RSU1: variants seen among roughly 807,000 people sequenced by gnomAD.
RSU1 encodes the protein rsu-1.
RSU1 carries 26 observed loss-of-function variants against 31.1 expected under a neutral mutation model. That is an observed-to-expected ratio of 0.84 (90% CI 0.61 to 1.16). RSU1 has a LOEUF of 1.16. RSU1 is among the 50% of genes most tolerant of loss of function. RSU1 has a pLI of 0.00. For synonymous variants in RSU1, 164 were observed against 136.3 expected (o/e 1.20, Z -1.41); for missense variants, 320 against 339.1 (o/e 0.94, Z 0.44).
intron 8 of RSU1, among the ~76,000 whole-genome samples, chr10:16,665,321 C>T (rs187832794): frequency 6.6e-6 from 1 of 152,256 alleles, no homozygotes; most frequent in East Asian, 1.9e-4. Flanking sequence ...CTATTATCAT[C>T]TAATTTTACA....
chr10:16,704,415 G>C (rs569843360), intron 7 of RSU1, among the ~76,000 whole-genome samples: 1 of 152,158 alleles, frequency 6.6e-6, no homozygotes, highest in East Asian at 1.9e-4. Flanking sequence ...CATACTCAAG[G>C]TCATGTGACT....
intron 2 of RSU1, among the ~76,000 whole-genome samples, chr10:16,802,695 C>G (rs1406972447): frequency 2.0e-5 from 3 of 151,602 alleles, no homozygotes; most frequent in African/African-American, 7.3e-5. Flanking sequence ...CACACAATGA[C>G]CAAGTGGAAC....
rs888240178 is a variant in RSU1 at position 16,764,325 on chromosome 10, G to A, written c.281+65C>T. On this transcript the variant is annotated intron_variant, in intron 4 of 8. Coordinates refer to ENST00000345264, the MANE Select transcript of RSU1 (RefSeq NM_012425.4). ...ATAATATAAAAGGAATCCCTCCCCT[G>A]GCCTTACCCGGCATGCCCCTTCCAC... 2.7e-6 allele frequency: 4 copies of A among 1,479,094 alleles called. No individual in the cohort carries two copies. The African/African-American group carries it at 5.6e-5, about 21-fold the overall frequency. The allele number at this position is 1,479,094 out of a possible 1,614,324, so 91.6% of individuals were successfully genotyped here. A position where few individuals can be genotyped will look rare whatever the true frequency, so the allele number is the denominator to read the frequency against.
chr10:16,775,639 C>T (rs79276693), intron 3 of RSU1, among the ~76,000 whole-genome samples: 3,550 of 152,262 alleles, frequency 0.023, 141 homozygotes, highest in African/African-American at 0.081. Context: ...GGTCAACAGA[C>T]CCTCCCATAG....
At chr10:16,664,949 C>CTTAT (rs749280546) in intron 8 of RSU1, among the ~76,000 whole-genome samples, 71 of 150,626 alleles carry the variant, frequency 4.7e-4, no homozygotes, top group Admixed American at 1.3e-3. Flanking sequence ...TTCTTTCTTT[C>CTTAT]TTCTTTTTTT....
At chr10:16,599,510 CCT>C (rs1224949022) in intron 8 of RSU1, among the ~76,000 whole-genome samples, 1 of 152,196 alleles carries the variant, frequency 6.6e-6, no homozygotes, top group Non-Finnish European at 1.5e-5. Flanking sequence ...CTCACAGCCA[CCT>C]CTGCCTTCGA....
chr10:16,730,297 T>A (rs1352441769), intron 7 of RSU1, among the ~76,000 whole-genome samples: 2 of 152,134 alleles, frequency 1.3e-5, no homozygotes, highest in Non-Finnish European at 2.9e-5. Context: ...AATTTCAACA[T>A]CAGATTTGGA....
At chr10:16,644,394 T>C (rs1834498699) in intron 8 of RSU1, among the ~76,000 whole-genome samples, 1 of 152,248 alleles carries the variant, frequency 6.6e-6, no homozygotes, top group African/African-American at 2.4e-5. Flanking sequence ...AATACGGTGA[T>C]TACACATTAC....
At chr10:16,678,396 C>T (rs577029798) in intron 8 of RSU1, among the ~76,000 whole-genome samples, 7 of 152,268 alleles carry the variant, frequency 4.6e-5, no homozygotes, top group East Asian at 3.9e-4. Flanking sequence ...ATGCATTAAG[C>T]GAGAAACCTT....
At chr10:16,606,984 T>A (rs1382859816) in intron 8 of RSU1, among the ~76,000 whole-genome samples, 1 of 152,176 alleles carries the variant, frequency 6.6e-6, no homozygotes, top group Admixed American at 6.5e-5. Flanking sequence ...CATGGCCGTG[T>A]GCTATAGTTT....
At chr10:16,766,807 A>G (rs534824544) in intron 3 of RSU1, among the ~76,000 whole-genome samples, 3 of 152,052 alleles carry the variant, frequency 2.0e-5, no homozygotes, top group East Asian at 3.9e-4. Context: ...TGAGGTCAGG[A>G]GTTTGAGACC....
intron 2 of RSU1, among the ~76,000 whole-genome samples, chr10:16,798,027 A>G (rs2089436921): frequency 6.6e-6 from 1 of 151,976 alleles, no homozygotes; most frequent in Non-Finnish European, 1.5e-5. Flanking sequence ...ACGCCCGGCT[A>G]ATTCTTGTAT....
intron 8 of RSU1, among the ~76,000 whole-genome samples, chr10:16,616,524 A>T (rs113739766): frequency 4.2e-4 from 64 of 152,336 alleles, no homozygotes; most frequent in African/African-American, 1.5e-3. Context: ...TGAGGCCAGC[A>T]TCATGCTAAT....
At chr10:16,789,262 T>A (rs1837863119) in intron 2 of RSU1, among the ~76,000 whole-genome samples, 1 of 152,198 alleles carries the variant, frequency 6.6e-6, no homozygotes, top group South Asian at 2.1e-4. Context: ...CTTCAGCCGA[T>A]CACACCACTA....
rs564165275 is a variant in RSU1, at chr10:16,659,654, A to G, written c.731+35369T>C. On this transcript the variant is annotated intron_variant, in intron 8 of 8. Coordinates refer to ENST00000345264, the MANE Select transcript of RSU1 (RefSeq NM_012425.4). ...AGGCTGTCTTCGTTATTATAGCTTTATAACAGACCTTAATGTCTCTAAGGC... is the reference window on the plus strand; with the variant it reads ...AGGCTGTCTTCGTTATTATAGCTTTGTAACAGACCTTAATGTCTCTAAGGC... 3.3e-5 allele frequency among the ~76,000 whole-genome samples: 5 copies of G among 152,290 alleles called. No homozygotes were observed. In the South Asian group the frequency reaches 8.3e-4, roughly 25 times the overall value.
chr10:16,653,493 G>T (rs1198708846), intron 8 of RSU1, among the ~76,000 whole-genome samples: 1 of 152,186 alleles, frequency 6.6e-6, no homozygotes, highest in Non-Finnish European at 1.5e-5. Context: ...GTATAAATGT[G>T]CCGGGATGTG....
At chr10:16,711,471 C>T (rs773058038) in intron 7 of RSU1, among the ~76,000 whole-genome samples, 36 of 151,974 alleles carry the variant, frequency 2.4e-4, no homozygotes, top group Non-Finnish European at 4.3e-4. Context: ...CCTTGTGGTA[C>T]GTCATTAGGT....
At chr10:16,787,020 G>A (rs1455774170) in intron 2 of RSU1, among the ~76,000 whole-genome samples, 2 of 152,160 alleles carry the variant, frequency 1.3e-5, no homozygotes, top group South Asian at 4.1e-4. Flanking sequence ...TGGACACAGG[G>A]CCTGGGTTGG....
rs181536471 is a variant in RSU1, at chr10:16,813,423, A to G, written c.109+3550T>C. Among the ~76,000 whole-genome samples, 349 of 152,318 alleles carry G rather than the reference A, an allele frequency of 2.3e-3. 2 individuals carry two copies. Among genetic ancestry groups the G allele is most frequent in the African/African-American group, 7.6e-3 (317 of 41,576 alleles). ...AAGTTCTTGGTTCAGGCTACTGACT[A>G]TGTTGGAACTGGGTATGTCTGAGAC... On this transcript the variant is annotated intron_variant, in intron 2 of 8. Coordinates refer to ENST00000345264, the MANE Select transcript of RSU1 (RefSeq NM_012425.4).
Sources: gnomAD v4.1 joint callset for allele counts (sites outside exome capture counted in the v4.1 genomes callset) on GRCh38, gnomAD v4.1.1 for gene constraint, MANE v1.5 for transcripts, NCBI Gene and HGNC (gene_info 2026-07-23, HGNC 2026-07-21) for gene names.